The following MICAL2 variants were observed in gnomAD, a reference collection of about 807,000 sequenced individuals.
MICAL2 encodes [F-actin]-monooxygenase MICAL2.
MICAL2 carries 77 observed loss-of-function variants against 127.3 expected under a neutral mutation model. The ratio of observed to expected loss-of-function variants is 0.60; its 90% CI spans 0.50 to 0.73. The LOEUF is 0.73. MICAL2 is among the 30% of genes least tolerant of loss of function. The pLI, the probability that MICAL2 is intolerant of heterozygous loss-of-function variation, is 0.00. For missense variants in MICAL2, 1,351 were observed against 1,434.4 expected (o/e 0.94, Z 0.94); for synonymous variants, 570 against 551.1 (o/e 1.03, Z -0.48).
chr11:12,248,400 C>T (rs1053530333), intron 21 of MICAL2, among the ~76,000 whole-genome samples: 3 of 152,170 alleles, frequency 2.0e-5, no homozygotes, highest in Admixed American at 6.5e-5. Context: ...CCCTATCAGC[C>T]GTTAGTTACT....
At chr11:12,326,150 G>T (rs1280207693) in intron 31 of MICAL2, among the ~76,000 whole-genome samples, 1 of 152,164 alleles carries the variant, frequency 6.6e-6, no homozygotes, top group Admixed American at 6.5e-5. Flanking sequence ...TTCCAGGGGA[G>T]ATTTAGAAAG....
intron 31 of MICAL2, among the ~76,000 whole-genome samples, chr11:12,325,448 G>C (rs1160978919): frequency 6.6e-6 from 1 of 152,124 alleles, no homozygotes; most frequent in Admixed American, 6.5e-5. Flanking sequence ...GTATTCGTCT[G>C]CTTGGGCTGC....
chr11:12,294,706 C>T (rs1230008412), downstream of MICAL2: 2 of 1,614,100 alleles, frequency 1.2e-6, no homozygotes, highest in East Asian at 4.5e-5. Context: ...ACCTCTTTGG[C>T]AGCCCCAAGA....
chr11:12,196,613 T>C (rs936232084), intron 3 of MICAL2, among the ~76,000 whole-genome samples: 1 of 152,170 alleles, frequency 6.6e-6, no homozygotes, highest in African/African-American at 2.4e-5. Context: ...TTTCAAAGGC[T>C]GCCCTGACTG....
At position 12,200,596 on chromosome 11, in the gene MICAL2, G is replaced by A. The variant is rs539543759; in HGVS notation, c.265-3654G>A. Among the ~76,000 whole-genome samples the A allele has an allele frequency of 9.9e-5, 15 of 152,284 alleles. 1 individual carries two copies. The South Asian group carries it at 2.5e-3, about 25-fold the overall frequency. ...CTCTGGCCTTGATAACATCTGTACC[G>A]AATTTTCTCCCTTTATATAATTAGG... is the stretch of plus-strand genomic sequence containing the variant. On this transcript the variant is annotated intron_variant, in intron 3 of 27. Coordinates refer to ENST00000683283, the MANE Select transcript of MICAL2 (RefSeq NM_001282663.2).
chr11:12,260,932 G>T lies in MICAL2; in HGVS notation c.3334+1035G>T, dbSNP rs150621059. 42 of 985,478 alleles carry T rather than the reference G, an allele frequency of 4.3e-5. No individual in the cohort carries two copies. The East Asian group carries it at 4.2e-3, about 98-fold the overall frequency. The allele number at this position is 985,478 out of a possible 1,614,324, so 61.0% of individuals were successfully genotyped here. The stretch of plus-strand genomic sequence containing the variant: ...TTTTCCCTTCCCACTAATGGGCACT[G>T]CAGGGAAAGCCCATTGGCATTTGAC... On this transcript the variant is annotated intron_variant, in intron 26 of 27. Coordinates refer to ENST00000683283, the MANE Select transcript of MICAL2 (RefSeq NM_001282663.2).
At chr11:12,334,921 A>G (rs76528889) in intron 32 of MICAL2, among the ~76,000 whole-genome samples, 21,122 of 152,022 alleles carry the variant, frequency 0.14, 1,718 homozygotes, top group South Asian at 0.24. Context: ...ATACGTGCAC[A>G]TGTGTCTTTA....
intron 32 of MICAL2, among the ~76,000 whole-genome samples, chr11:12,328,401 G>T (rs1864378208): frequency 6.6e-6 from 1 of 152,186 alleles, no homozygotes. Context: ...CTGGGAAGGG[G>T]TGATCTATAA....
At chr11:12,276,138 C>T (rs551334171) in exon 1 of MICAL2, 21 of 399,220 alleles carry the variant, frequency 5.3e-5, no homozygotes, top group East Asian at 4.3e-4. Context: ...GCTGGCTGTG[C>T]GTGTCCTGGT....
intron 32 of MICAL2, chr11:12,327,319 AG>A: frequency 6.9e-7 from 1 of 1,444,842 alleles, no homozygotes; most frequent in Non-Finnish European, 9.4e-7. Context: ...GAATAGTGCT[AG>A]CGTAACCATC....
chr11:12,162,127 G>T lies in MICAL2; in HGVS notation c.-29G>T, dbSNP rs372710923. 3 of 1,613,312 alleles carry T rather than the reference G, an allele frequency of 1.9e-6. No individual in the cohort carries two copies. The highest frequency in any genetic ancestry group is 1.3e-5 in the African/African-American group (1 of 74,932). On this transcript the variant is annotated 5_prime_UTR_variant, in exon 3 of 28. Coordinates refer to ENST00000683283, the MANE Select transcript of MICAL2 (RefSeq NM_001282663.2). ...CATGCTGTTCACCTGTGTCCTCGCCGCACCACTGCCGCACACGACTCCTGA... is the reference window on the plus strand; with the variant it reads ...CATGCTGTTCACCTGTGTCCTCGCCTCACCACTGCCGCACACGACTCCTGA...
At chr11:12,180,270 G>A (rs1247761256) in intron 3 of MICAL2, among the ~76,000 whole-genome samples, 2 of 151,782 alleles carry the variant, frequency 1.3e-5, no homozygotes, top group Non-Finnish European at 1.5e-5. Flanking sequence ...AGGGTTATAC[G>A]CCTTTGTGAG....
At chr11:12,298,427 A>C (rs1864011250) in intron 29 of MICAL2, among the ~76,000 whole-genome samples, 1 of 152,122 alleles carries the variant, frequency 6.6e-6, no homozygotes, top group Non-Finnish European at 1.5e-5. Flanking sequence ...CAATCATAAC[A>C]CCTGCAAATT....
chr11:12,356,590 C>T (rs1042224377), intron 34 of MICAL2, among the ~76,000 whole-genome samples: 2 of 152,146 alleles, frequency 1.3e-5, no homozygotes, highest in Non-Finnish European at 2.9e-5. Context: ...TGGTCTCATC[C>T]GTAGCCTGCC....
chr11:12,260,840 C>G, intron 26 of MICAL2: 1 of 985,402 alleles, frequency 1.0e-6, no homozygotes, highest in African/African-American at 1.7e-5. Flanking sequence ...AAGGCTTTCC[C>G]CCCCATACCA....
chr11:12,141,898 G>A (rs1261569630), intron 2 of MICAL2, among the ~76,000 whole-genome samples: 3 of 152,202 alleles, frequency 2.0e-5, no homozygotes, highest in African/African-American at 7.2e-5. Flanking sequence ...GAAAGGCTAG[G>A]GAAGGTGGAT....
At chr11:12,179,492 C>A (rs1332490567) in intron 3 of MICAL2, among the ~76,000 whole-genome samples, 1 of 152,230 alleles carries the variant, frequency 6.6e-6, no homozygotes, top group Non-Finnish European at 1.5e-5. Context: ...CTTGGAGCTG[C>A]TGCTTCTCTT....
In MICAL2 at chr11:12,256,832, G is replaced by T. The variant is rs555210447; in HGVS notation, c.3003G>T (p.Thr1001=). The T allele has an allele frequency of 6.2e-7, 1 of 1,614,042 alleles. No individual in the cohort carries two copies. The highest frequency in any genetic ancestry group is 2.2e-5 in the East Asian group (1 of 44,878). Residue 1001 remains threonine (T), a synonymous_variant, in exon 24 of 28, where the codon ACG becomes ACT. Transcript: ENST00000683283. ...CCCTTAACCTGGGAGGCAGCGACAC[G>T]TGTTACTTCTGTAAGAAACGTGTGT... The part of the protein sequence containing the change: ...SFPLNLGGSD[T]CYFCKKRVYV...
intron 2 of MICAL2, among the ~76,000 whole-genome samples, chr11:12,284,266 C>A (rs1040400161): frequency 6.6e-6 from 1 of 152,152 alleles, no homozygotes; most frequent in African/African-American, 2.4e-5. Context: ...ATGGAGGACA[C>A]TTATCAGTTT....
Sources: gnomAD v4.1 joint callset for allele counts (sites outside exome capture counted in the v4.1 genomes callset) on GRCh38, gnomAD v4.1.1 for gene constraint, MANE v1.5 for transcripts, NCBI Gene and HGNC (gene_info 2026-07-23, HGNC 2026-07-21) for gene names.